The following SLC8A1 variants were observed in gnomAD, a reference collection of about 807,000 sequenced individuals.
The protein encoded by SLC8A1 is sodium/calcium exchanger 1.
Under a neutral mutation model 68.3 loss-of-function variants are expected in SLC8A1, and 18 were observed. The observed-to-expected ratio is 0.26, with a 90% CI of 0.18 to 0.39. The LOEUF is 0.39. Among genes scored for constraint, SLC8A1 ranks in the 10% least tolerant of loss-of-function variants. SLC8A1 has a pLI of 1.00. For synonymous variants in SLC8A1, 475 were observed against 415.5 expected (o/e 1.14, Z -1.74); for missense variants, 985 against 1,156.7 (o/e 0.85, Z 2.15).
At chr2:40,428,445 AC>A in intron 2 of SLC8A1, 27 bp downstream of exon 2, 1 of 1,518,354 alleles carries the variant, frequency 6.6e-7, no homozygotes. Flanking sequence ...ACACACACAC[AC>A]ACACACATAT....
chr2:40,259,846 A>T lies in SLC8A1; in HGVS notation c.1809-81991T>A, dbSNP rs960352100. ...AATAAGCTTTAATTTTCTCTTGGCC[A>T]TGTATCTTCTATTAGTTTCTGCATA... is the stretch of plus-strand genomic sequence containing the variant. On this transcript the variant is annotated intron_variant, in intron 2 of 7. Transcript: ENST00000406785. 2.6e-5 allele frequency among the ~76,000 whole-genome samples: 4 copies of T among 152,134 alleles called. No individual in the cohort carries two copies. In the East Asian group the frequency reaches 7.7e-4, roughly 29 times the overall value.
At chr2:40,221,547 G>C (rs1167351128) in intron 2 of SLC8A1, among the ~76,000 whole-genome samples, 1 of 152,184 alleles carries the variant, frequency 6.6e-6, no homozygotes, top group Non-Finnish European at 1.5e-5. Context: ...TCAGGCAAGA[G>C]AAAGAAATAA....
intron 2 of SLC8A1, among the ~76,000 whole-genome samples, chr2:40,360,067 A>G (rs999996574): frequency 1.3e-5 from 2 of 152,154 alleles, no homozygotes; most frequent in Non-Finnish European, 2.9e-5. Context: ...TAAGTGTTTA[A>G]TTTATTTAAT....
chr2:40,363,337 G>GGATGAT (rs78021253), intron 2 of SLC8A1, among the ~76,000 whole-genome samples: 54 of 150,970 alleles, frequency 3.6e-4, no homozygotes, highest in African/African-American at 8.3e-4. Flanking sequence ...ACCACTGCAG[G>GGATGAT]GATGATGATG....
At chr2:40,364,771 C>A (rs547133450) in intron 2 of SLC8A1, among the ~76,000 whole-genome samples, 29 of 152,158 alleles carry the variant, frequency 1.9e-4, no homozygotes, top group African/African-American at 6.3e-4. Context: ...CCTTACTTGT[C>A]AGCCCAGTTC....
At chr2:40,424,330 T>A (rs375194996) in intron 2 of SLC8A1, among the ~76,000 whole-genome samples, 1 of 151,794 alleles carries the variant, frequency 6.6e-6, no homozygotes, top group Non-Finnish European at 1.5e-5. Flanking sequence ...CCATCTCACA[T>A]AGCTAAGTCT....
At chr2:40,235,816 T>C (rs1336192228) in intron 2 of SLC8A1, among the ~76,000 whole-genome samples, 1 of 150,028 alleles carries the variant, frequency 6.7e-6, no homozygotes, top group African/African-American at 2.5e-5. Context: ...TTCTCGTTGG[T>C]TTCAAAGAAC....
At chr2:40,473,904 AT>A (rs1215878895) in intron 1 of SLC8A1, among the ~76,000 whole-genome samples, 8 of 152,224 alleles carry the variant, frequency 5.3e-5, no homozygotes, top group African/African-American at 1.9e-4. Flanking sequence ...AGTGATCCTA[AT>A]TTTAATATGA....
At chr2:40,281,969 CTG>C (rs1311005619) in intron 2 of SLC8A1, among the ~76,000 whole-genome samples, 13 of 152,160 alleles carry the variant, frequency 8.5e-5, no homozygotes, top group Admixed American at 5.2e-4. Flanking sequence ...TCACAGGAGT[CTG>C]TTTATTCTTC....
At chr2:40,255,441 TCTAAA>T (rs1265638054) in intron 2 of SLC8A1, among the ~76,000 whole-genome samples, 1 of 152,192 alleles carries the variant, frequency 6.6e-6, no homozygotes, top group Non-Finnish European at 1.5e-5. Flanking sequence ...CAACATTTCT[TCTAAA>T]CTATTTTGTA....
chr2:40,107,298 A>AAAAAAAAAAAAAAAAAAAAAAG (rs1318519158), exon 8 of SLC8A1: 1 of 148,344 alleles, frequency 6.7e-6, no homozygotes, highest in African/African-American at 2.5e-5. Flanking sequence ...AAAAAAAAAA[A>AAAAAAAAAAAAAAAAAAAAAAG]AGAAAATGCC....
chr2:40,158,872 G>T (rs1030136843), intron 6 of SLC8A1, among the ~76,000 whole-genome samples: 2 of 152,078 alleles, frequency 1.3e-5, no homozygotes, highest in Non-Finnish European at 2.9e-5. Flanking sequence ...TTTAAGTAAG[G>T]CAGTATTAAC....
chr2:40,380,690 C>T (rs540880742), intron 2 of SLC8A1, among the ~76,000 whole-genome samples: 76 of 152,078 alleles, frequency 5.0e-4, no homozygotes, highest in Admixed American at 3.5e-3. Flanking sequence ...ACACTTACTG[C>T]GATTTCAAAG....
intron 2 of SLC8A1, among the ~76,000 whole-genome samples, chr2:40,228,122 G>A (rs527622303): frequency 5.9e-5 from 9 of 152,274 alleles, no homozygotes; most frequent in African/African-American, 1.7e-4. Flanking sequence ...CAGTGCAAGT[G>A]TTGACAAATT....
chr2:40,280,256 A>T (rs1335907236), intron 2 of SLC8A1, among the ~76,000 whole-genome samples: 1 of 106,572 alleles, frequency 9.4e-6, no homozygotes, highest in African/African-American at 3.8e-5. Flanking sequence ...AACACTAAAA[A>T]AAAAAAAAAA....
chr2:40,407,046 T>G (rs2149682760), intron 2 of SLC8A1, among the ~76,000 whole-genome samples: 1 of 152,184 alleles, frequency 6.6e-6, no homozygotes, highest in South Asian at 2.1e-4. Context: ...CTGTGTGATC[T>G]TAGTATGTCA....
At chr2:40,355,643 C>G (rs567124302) in intron 2 of SLC8A1, among the ~76,000 whole-genome samples, 2 of 152,242 alleles carry the variant, frequency 1.3e-5, no homozygotes, top group African/African-American at 4.8e-5. Flanking sequence ...GAGTGGTTTA[C>G]CCTGAGGCCA....
chr2:40,364,187 A>G (rs1411142874), intron 2 of SLC8A1, among the ~76,000 whole-genome samples: 1 of 152,152 alleles, frequency 6.6e-6, no homozygotes, highest in African/African-American at 2.4e-5. Flanking sequence ...AATTAAAACA[A>G]AACATATAAA....
chr2:40,494,778 A>T (rs1236560442), intron 1 of SLC8A1, among the ~76,000 whole-genome samples: 7 of 149,654 alleles, frequency 4.7e-5, no homozygotes, highest in Non-Finnish European at 8.9e-5. Flanking sequence ...AATTTCTGTC[A>T]GCTATTGGCA....
Sources: allele counts gnomAD v4.1 joint callset (sites outside exome capture counted in the v4.1 genomes callset), GRCh38; gene constraint gnomAD v4.1.1; transcripts MANE v1.5; gene names NCBI Gene and HGNC (gene_info 2026-07-23, HGNC 2026-07-21).